The following CIT variants were observed in gnomAD, a reference collection of about 807,000 sequenced individuals.
CIT encodes the protein citron Rho-interacting kinase.
A neutral mutation model predicts 272.7 loss-of-function variants in CIT; 79 were observed. The ratio of observed to expected loss-of-function variants is 0.29; its 90% CI spans 0.24 to 0.35. The LOEUF (loss-of-function observed/expected upper bound fraction) is 0.35, where lower values mean the gene tolerates loss of function less well. CIT is among the 10% of genes least tolerant of loss of function. CIT has a pLI of 1.00. For missense variants in CIT, 1,909 were observed against 2,618.3 expected, an observed-to-expected ratio of 0.73 and a Z score of 5.91; for synonymous variants, 948 against 995.6, an observed-to-expected ratio of 0.95 and a Z score of 0.90.
At position 119,690,545 on chromosome 12, in the gene CIT, AG is replaced by A; in HGVS notation, c.5883-92del. ...ACCTGAGCAACCCCCTCCTTGACCC[AG>A]CCTCACCACTGATTATCAAGAGATT... On this transcript the variant is annotated intron_variant, in intron 46 of 47. Coordinates refer to ENST00000392521, the MANE Select transcript of CIT (RefSeq NM_001206999.2). The surrounding 1 kb of genome is among the most constrained non-coding windows in gnomAD (Gnocchi z 6.0). 1.6e-6 allele frequency: 2 copies of A among 1,218,244 alleles called. No homozygotes were observed. Among genetic ancestry groups the A allele is most frequent in the Admixed American group, 6.1e-5 (2 of 33,024 alleles). The allele number at this position is 1,218,244 out of a possible 1,614,324, so 75.5% of individuals were successfully genotyped here. A position where few individuals can be genotyped will look rare whatever the true frequency, so the allele number is the denominator to read the frequency against.
chr12:119,817,954 T>C (rs1159492662), intron 9 of CIT, among the ~76,000 whole-genome samples: 2 of 152,132 alleles, frequency 1.3e-5, no homozygotes, highest in Non-Finnish European at 2.9e-5. Flanking sequence ...CAAATGTTCT[T>C]AAATAGACCT....
intron 10 of CIT, among the ~76,000 whole-genome samples, chr12:119,802,423 T>A (rs1966273895): frequency 6.6e-6 from 1 of 152,196 alleles, no homozygotes; most frequent in South Asian, 2.1e-4. Flanking sequence ...GTTAATGCAT[T>A]TTTCAATAGC....
At chr12:119,787,455 G>A (rs1964894036) in intron 10 of CIT, among the ~76,000 whole-genome samples, 1 of 151,414 alleles carries the variant, frequency 6.6e-6, no homozygotes, top group African/African-American at 2.4e-5. Flanking sequence ...AAATAGGCCG[G>A]GCGCGGTGGC....
Position 119,713,208 on chromosome 12 carries a change from C to A in CIT, c.4574G>T (p.Arg1525Ile). 6.2e-7 allele frequency: 1 copy of A among 1,613,072 alleles called. No homozygotes were observed. Among genetic ancestry groups the A allele is most frequent in the Non-Finnish European group, 8.5e-7 (1 of 1,179,152 alleles). The stretch of plus-strand genomic sequence containing the variant: ...CCCCTGAATTATTAATTTACCTTCT[C>A]TGGCTTCATTGTCATAAATGAGGAC... ...SKVLIYDNEA[R>I]EAGQRPVEEF... The change falls in exon 35 of 48, where the codon AGA becomes ATA. Residue 1525 changes from arginine (R) to isoleucine (I), a missense_variant. This residue lies in a region of CIT where 780 missense variants were observed against 1,067.2 expected (regional missense o/e 0.73). Transcript: ENST00000392521. This position sits in a 1 kb window ranked among gnomAD's most constrained non-coding sequence, Gnocchi z 5.2.
intron 3 of CIT, among the ~76,000 whole-genome samples, chr12:119,861,361 G>T (rs184327378): frequency 6.6e-6 from 1 of 152,046 alleles, no homozygotes; most frequent in African/African-American, 2.4e-5. Context: ...TGAAGCGGGT[G>T]GATCACCTGA....
intron 47 of CIT, among the ~76,000 whole-genome samples, chr12:119,689,306 C>T (rs951380082): frequency 2.6e-5 from 4 of 151,750 alleles, no homozygotes; most frequent in African/African-American, 9.7e-5. Flanking sequence ...CACTTGAGCC[C>T]AGGAGTTTGA....
intron 40 of CIT, among the ~76,000 whole-genome samples, chr12:119,707,650 C>T (rs896216012): frequency 2.6e-5 from 4 of 151,998 alleles, no homozygotes; most frequent in Non-Finnish European, 5.9e-5. Context: ...TACAGGCGCC[C>T]GCCACCGTGC....
At chr12:119,806,605 G>A (rs1393154133) in intron 9 of CIT, among the ~76,000 whole-genome samples, 2 of 151,952 alleles carry the variant, frequency 1.3e-5, no homozygotes, top group African/African-American at 4.8e-5. Flanking sequence ...AGGGCACACA[G>A]GATTTTCTCC....
At position 119,848,809 on chromosome 12, in the gene CIT, T is replaced by C. The variant is rs35720642; in HGVS notation, c.516+1365A>G. On this transcript the variant is annotated intron_variant, in intron 5 of 47. Coordinates refer to ENST00000392521, the MANE Select transcript of CIT (RefSeq NM_001206999.2). ...GGAAGGCCAAGGCAGGAAGATCTCT[T>C]GAGCTCAGGACTTCGAAACCAGCCT... Among the ~76,000 whole-genome samples the C allele has an allele frequency of 1.5e-3, 232 of 152,254 alleles. 1 individual carries two copies. Among genetic ancestry groups the C allele is most frequent in the Middle Eastern group, 3.4e-3 (1 of 294 alleles).
At chr12:119,689,763 C>T (rs1440732299) in intron 47 of CIT, among the ~76,000 whole-genome samples, 3 of 148,056 alleles carry the variant, frequency 2.0e-5, no homozygotes, top group East Asian at 2.0e-4. Context: ...CTGCAAGCTC[C>T]GCCCTCCGGG....
At chr12:119,753,736 C>CA (rs61342513) in intron 22 of CIT, among the ~76,000 whole-genome samples, 11,817 of 111,962 alleles carry the variant, frequency 0.11, 1,031 homozygotes, top group African/African-American at 0.26. Context: ...GACTCTGCCT[C>CA]AAAAAAAAAA....
At chr12:119,774,736 G>A (rs2137620472) in intron 16 of CIT, among the ~76,000 whole-genome samples, 1 of 152,306 alleles carries the variant, frequency 6.6e-6, no homozygotes. Flanking sequence ...ATCTTGGGAA[G>A]CAATGGCAGG....
intron 7 of CIT, among the ~76,000 whole-genome samples, chr12:119,828,684 T>TGTAG (rs1968360462): frequency 1.3e-5 from 2 of 151,886 alleles, no homozygotes; most frequent in Non-Finnish European, 2.9e-5. Context: ...TGCCTCAGCC[T>TGTAG]CCCGAATAGC....
At chr12:119,742,325 C>T (rs1959097832) in intron 24 of CIT, 86 bp downstream of exon 24, 1 of 933,904 alleles carries the variant, frequency 1.1e-6, no homozygotes, top group Non-Finnish European at 1.6e-6. Flanking sequence ...AAAACTCAGT[C>T]ACCAATATTT....
At chr12:119,876,274 G>T in intron 1 of CIT, 93 bp from the exon 2 acceptor site, 1 of 742,856 alleles carries the variant, frequency 1.3e-6, no homozygotes, top group Non-Finnish European at 2.2e-6. Context: ...CAGGGACAAG[G>T]AGGTGAAAAT....
chr12:119,795,429 A>G (rs1423975399), intron 10 of CIT, among the ~76,000 whole-genome samples: 1 of 152,056 alleles, frequency 6.6e-6, no homozygotes, highest in African/African-American at 2.4e-5. Context: ...AAAGTTGACC[A>G]CCCTCTGCCA....
intron 2 of CIT, 70 bp from the exon 3 acceptor site, chr12:119,869,271 G>A (rs757989299): frequency 2.1e-6 from 3 of 1,460,764 alleles, no homozygotes; most frequent in East Asian, 4.8e-5. Flanking sequence ...CATCCACACA[G>A]AGTAAATTAC....
Position 119,718,500 on chromosome 12 carries a change from C to T in CIT, c.4004-91G>A, listed in dbSNP as rs1169747928. 4 of 1,497,924 alleles carry T rather than the reference C, an allele frequency of 2.7e-6. No individual in the cohort carries two copies. In the African/African-American group the frequency reaches 4.2e-5, roughly 16 times the overall value. The allele number at this position is 1,497,924 out of a possible 1,614,324, so 92.8% of individuals were successfully genotyped here. A position where few individuals can be genotyped will look rare whatever the true frequency, so the allele number is the denominator to read the frequency against. ...ATGTCCCTGGGCTATCTTTCAAGGA[C>T]CCAAGACCAAAAGAATATGCGTCAC... On this transcript the variant is annotated intron_variant, in intron 31 of 47. Transcript: ENST00000392521. This position sits in a 1 kb window ranked among gnomAD's most constrained non-coding sequence, Gnocchi z 4.8.
At position 119,822,920 on chromosome 12, in the gene CIT, C is replaced by G. The variant is rs148991309; in HGVS notation, c.1011G>C (p.Leu337=). ...TCTGGCCGCACAACAAGCTTTGAAT[C>G]AGATCAAGAAAGTCACTGCTCACTT... ...DPKVSSDFLD[L]IQSLLCGQKE... The change falls in exon 9 of 48, where the codon CTG becomes CTC. Residue 337 remains leucine (L), a synonymous_variant. Transcript: ENST00000392521. 1.9e-6 allele frequency: 3 copies of G among 1,614,092 alleles called. No homozygotes were observed. The highest frequency in any genetic ancestry group is 2.5e-6 in the Non-Finnish European group (3 of 1,180,014).
Sources: gnomAD v4.1 joint callset for allele counts (sites outside exome capture counted in the v4.1 genomes callset) on GRCh38, gnomAD v4.1.1 for gene constraint, gnomAD v4.1.1 regional missense constraint, Gnocchi (gnomAD v3.1) non-coding constraint, MANE v1.5 for transcripts, NCBI Gene and HGNC (gene_info 2026-07-23, HGNC 2026-07-21) for gene names.